ZNF99: variants seen among roughly 807,000 people sequenced by gnomAD.
The protein encoded by ZNF99 is zinc finger protein 99.
ZNF99 carries 8 observed loss-of-function variants against 12.8 expected under a neutral mutation model. The ratio of observed to expected loss-of-function variants is 0.62; its 90% CI spans 0.37 to 1.13. ZNF99 has a LOEUF of 1.13. Ranked by LOEUF, ZNF99 falls within the 50% of genes most tolerant of loss-of-function variation. ZNF99 has a pLI of 0.02. For missense variants in ZNF99, 1,007 were observed against 1,006.2 expected, an observed-to-expected ratio of 1.00 and a Z score of -0.01; for synonymous variants, 318 against 319.0, an observed-to-expected ratio of 1.00 and a Z score of 0.03.
At chr19:22,772,306 G>C (rs1413826321) in intron 1 of ZNF99, among the ~76,000 whole-genome samples, 2 of 152,182 alleles carry the variant, frequency 1.3e-5, no homozygotes, top group African/African-American at 4.8e-5. Flanking sequence ...TTAGGTACAA[G>C]TTATAGTGTC....
chr19:22,763,100 C>T (rs1973167401), intron 3 of ZNF99, among the ~76,000 whole-genome samples: 2 of 151,906 alleles, frequency 1.3e-5, no homozygotes, highest in South Asian at 4.1e-4. Context: ...ACTTTCACCC[C>T]ACTTCTTCAA....
intron 3 of ZNF99, among the ~76,000 whole-genome samples, chr19:22,760,181 T>A (rs1385915811): frequency 6.6e-6 from 1 of 152,070 alleles, no homozygotes; most frequent in Non-Finnish European, 1.5e-5. Flanking sequence ...GTCTGTAGTC[T>A]CAGCTACTTG....
At position 22,769,206 on chromosome 19, in the gene ZNF99, A is replaced by C. The variant is rs767370170; in HGVS notation, c.122T>G (p.Val41Gly). Residue 41 changes from valine to glycine, a missense_variant, in exon 2 of 4, where the codon GTC becomes GGC. Coordinates refer to ENST00000596209, the MANE Select transcript of ZNF99 (RefSeq NM_001080409.3). ...NVMLENYRNL[V>G]FLGIAVSKLD... ...ATTAAAATCATCCTCACCCAGGAAG[A>C]CCAGGTTTCTGTAGTTCTCTAACAT... 6.2e-7 allele frequency: 1 copy of C among 1,606,752 alleles called. No homozygotes were observed. Among genetic ancestry groups the C allele is most frequent in the African/African-American group, 1.3e-5 (1 of 74,686 alleles).
intron 1 of ZNF99, chr19:22,771,271 T>TTTTTTTTTTTTTA (rs1973266906): frequency 8.4e-6 from 1 of 119,128 alleles, no homozygotes; most frequent in African/African-American, 3.9e-5. Context: ...TTTTTTTTTT[T>TTTTTTTTTTTTTA]TTGAGGCAGA....
At chr19:22,771,464 C>T (rs1226847339) in intron 1 of ZNF99, among the ~76,000 whole-genome samples, 1 of 151,042 alleles carries the variant, frequency 6.6e-6, no homozygotes, top group South Asian at 2.1e-4. Flanking sequence ...ACCGTGTTAG[C>T]CAGGATGGTC....
At chr19:22,776,857 T>C (rs118136110) in intron 1 of ZNF99, among the ~76,000 whole-genome samples, 3,330 of 152,160 alleles carry the variant, frequency 0.022, 59 homozygotes, top group Non-Finnish European at 0.032. Flanking sequence ...AAAGAAAATA[T>C]GGTACAGGTA....
intron 2 of ZNF99, 117 bp from the exon 3 acceptor site, chr19:22,768,517 C>G (rs566511080): frequency 3.8e-6 from 3 of 790,852 alleles, no homozygotes; most frequent in African/African-American, 1.8e-5. Flanking sequence ...TAATTTATAA[C>G]ATAAATTTCT....
rs1973026253 is a variant in ZNF99 at position 22,754,871 on chromosome 19, A to C, written c.*2443T>G. 5.5e-6 allele frequency: 1 copy of C among 180,192 alleles called. No individual in the cohort carries two copies. The highest frequency in any genetic ancestry group is 1.1e-4 in the South Asian group (1 of 8,832). 11.2% of individuals were successfully genotyped at this position (180,192 alleles called of 1,614,324 possible). ...GATCACCAGAGGTCGGGAGTTCGAG[A>C]CCAGCTTGACCAACATGGAGAAACC... is the stretch of plus-strand genomic sequence containing the variant. On this transcript the variant is annotated 3_prime_UTR_variant, in exon 4 of 4. Coordinates refer to ENST00000596209, the MANE Select transcript of ZNF99 (RefSeq NM_001080409.3).
Position 22,757,098 on chromosome 19 carries a change from A to G in ZNF99, c.*216T>C, listed in dbSNP as rs745571374. 6.2e-7 allele frequency: 1 copy of G among 1,612,730 alleles called. No homozygotes were observed. The highest frequency in any genetic ancestry group is 8.5e-7 in the Non-Finnish European group (1 of 1,179,164). ...TTCTTAAGGGTTGAGGAATTGTTAA[A>G]AGCTTTTCCACATTCTCCACATTTG... On this transcript the variant is annotated 3_prime_UTR_variant, in exon 4 of 4. Transcript: ENST00000596209.
At chr19:22,765,565 A>G (rs1164547163) in intron 3 of ZNF99, among the ~76,000 whole-genome samples, 1 of 152,058 alleles carries the variant, frequency 6.6e-6, no homozygotes, top group Non-Finnish European at 1.5e-5. Context: ...TTTTGATGTA[A>G]TAAAAAAAAT....
At chr19:22,774,004 A>C (rs560780463) in intron 1 of ZNF99, 2 of 153,704 alleles carry the variant, frequency 1.3e-5, no homozygotes, top group African/African-American at 4.8e-5. Context: ...TTCCAACATG[A>C]GTCCAGACAG....
chr19:22,754,365 TCAAA>T lies in ZNF99; in HGVS notation c.*2945_*2948del. 1 of 371,538 alleles carries T rather than the reference TCAAA, an allele frequency of 2.7e-6. No homozygotes were observed. Among genetic ancestry groups the T allele is most frequent in the South Asian group, 2.0e-5 (1 of 49,390 alleles). The allele number at this position is 371,538 out of a possible 1,614,324, so 23.0% of individuals were successfully genotyped here. ...TTGGGCGACAGAGTGAGACTCCATTTCAAAAAAAAAAAAAAAACTTTGCCACATT... is the reference window on the plus strand; with the variant it reads ...TTGGGCGACAGAGTGAGACTCCATTTAAAAAAAAAAAAACTTTGCCACATT... On this transcript the variant is annotated 3_prime_UTR_variant, in exon 4 of 4. Transcript: ENST00000596209.
Position 22,784,046 on chromosome 19 carries a change from T to C in ZNF99, c.-30A>G, listed in dbSNP as rs776407240. 10 of 1,613,332 alleles carry C rather than the reference T, an allele frequency of 6.2e-6. No individual in the cohort carries two copies. The highest frequency in any genetic ancestry group is 3.3e-5 in the South Asian group (3 of 91,052). ...AAGCTTCCAGGGGGTCCTGGCGTCCTAGCTGTGGATCTCCAAATACCTACA... is the reference window on the plus strand; with the variant it reads ...AAGCTTCCAGGGGGTCCTGGCGTCCCAGCTGTGGATCTCCAAATACCTACA... On this transcript the variant is annotated 5_prime_UTR_variant, in exon 1 of 4. Transcript: ENST00000596209.
intron 1 of ZNF99, among the ~76,000 whole-genome samples, chr19:22,781,403 C>CTTTTTTTTTTTTTT (rs35970718): frequency 9.1e-5 from 8 of 87,944 alleles, no homozygotes; most frequent in Admixed American, 3.8e-4. Context: ...ATTGGGGTCA[C>CTTTTTTTTTTTTTT]TTTTTTTTTT....
chr19:22,783,048 G>A (rs988635992), intron 1 of ZNF99, among the ~76,000 whole-genome samples: 1 of 152,066 alleles, frequency 6.6e-6, no homozygotes, highest in African/African-American at 2.4e-5. Flanking sequence ...GGGAGGCGGA[G>A]GAGGGCAGAT....
At chr19:22,762,176 A>G (rs1973157428) in intron 3 of ZNF99, among the ~76,000 whole-genome samples, 1 of 152,094 alleles carries the variant, frequency 6.6e-6, no homozygotes, top group African/African-American at 2.4e-5. Flanking sequence ...AAACAAACAA[A>G]AACCAAAAGA....
At position 22,758,834 on chromosome 19, in the gene ZNF99, GT is replaced by G. The variant is rs759572749; in HGVS notation, c.1074del (p.Lys358AsnfsTer4). The G allele has an allele frequency of 1.2e-6, 2 of 1,605,872 alleles. No homozygotes were observed. The highest frequency in any genetic ancestry group is 2.7e-5 in the African/African-American group (2 of 74,292). ...KAFSQSSTLRKHEIIHTEEKP... is the reference protein window; with the variant it reads ...KAFSQSSTLRXHEIIHTEEKP... ...TTCTCTTCAGTATGAATTATCTCAT[GT>G]TTTCTAAGGGTTGAGGACTGGCTAA... On this transcript the variant is annotated frameshift_variant, in exon 4 of 4. Coordinates refer to ENST00000596209, the MANE Select transcript of ZNF99 (RefSeq NM_001080409.3). LOFTEE classifies it low-confidence loss of function (END_TRUNC).
At position 22,758,486 on chromosome 19, in the gene ZNF99, G is replaced by T; in HGVS notation, c.1423C>A (p.His475Asn). Reference sequence around the variant, plus strand: ...CATTTGTAGGGTTTCTCTCCAGTATGAATTATCTCATGTTTTCTAAGGGCT... The same window carrying T: ...CATTTGTAGGGTTTCTCTCCAGTATTAATTATCTCATGTTTTCTAAGGGCT... ...FSALRKHEII[H>N]TGEKPYKCEE... The change falls in exon 4 of 4, where the codon CAT becomes AAT. Residue 475 changes from histidine (H) to asparagine (N), a missense_variant. Transcript: ENST00000596209. 3 of 1,613,242 alleles carry T rather than the reference G, an allele frequency of 1.9e-6. No homozygotes were observed. Among genetic ancestry groups the T allele is most frequent in the Non-Finnish European group, 2.5e-6 (3 of 1,179,692 alleles).
intron 3 of ZNF99, among the ~76,000 whole-genome samples, chr19:22,767,345 G>A (rs919931612): frequency 3.3e-5 from 5 of 152,044 alleles, no homozygotes; most frequent in African/African-American, 1.2e-4. Flanking sequence ...AAGAAAAGAA[G>A]CATACAATAT....
Sources: gnomAD v4.1 joint callset for allele counts (sites outside exome capture counted in the v4.1 genomes callset) on GRCh38, gnomAD v4.1.1 for gene constraint, MANE v1.5 for transcripts, NCBI Gene and HGNC (gene_info 2026-07-23, HGNC 2026-07-21) for gene names.